PTPRM: variants seen among roughly 807,000 people sequenced by gnomAD.
The protein encoded by PTPRM is receptor-type tyrosine-protein phosphatase mu.
A neutral mutation model predicts 186.7 loss-of-function variants in PTPRM; 47 were observed. The observed-to-expected ratio is 0.25, with a 90% CI of 0.20 to 0.32. PTPRM has a LOEUF of 0.32. Ranked by LOEUF, PTPRM falls within the 10% of genes least tolerant of loss-of-function variation. The pLI is 1.00. For missense variants in PTPRM, 1,494 were observed against 1,865.0 expected, an observed-to-expected ratio of 0.80 and a Z score of 3.66; for synonymous variants, 668 against 674.9, an observed-to-expected ratio of 0.99 and a Z score of 0.16.
chr18:7,576,135 C>T (rs1447182313), intron 1 of PTPRM, among the ~76,000 whole-genome samples: 1 of 152,186 alleles, frequency 6.6e-6, no homozygotes, highest in Non-Finnish European at 1.5e-5. Flanking sequence ...GAAAAGGCCA[C>T]TGTTTAACAG....
At chr18:7,810,976 C>A (rs79635695) in intron 2 of PTPRM, among the ~76,000 whole-genome samples, 4 of 152,040 alleles carry the variant, frequency 2.6e-5, no homozygotes, top group African/African-American at 9.7e-5. Flanking sequence ...TTTTTCTGAA[C>A]GATTGAATAC....
At chr18:7,719,405 G>A (rs958073020) in intron 1 of PTPRM, among the ~76,000 whole-genome samples, 19 of 152,156 alleles carry the variant, frequency 1.2e-4, no homozygotes, top group Middle Eastern at 3.4e-3. Flanking sequence ...GAGGGTGTGG[G>A]TGATAAAAGA....
chr18:8,119,094 T>C (rs1439170555), intron 13 of PTPRM, among the ~76,000 whole-genome samples: 1 of 152,110 alleles, frequency 6.6e-6, no homozygotes, highest in Admixed American at 6.5e-5. Context: ...TTTAAGGGAC[T>C]TTTTCATGAA....
intron 1 of PTPRM, among the ~76,000 whole-genome samples, chr18:7,708,166 T>G (rs746176248): frequency 6.6e-6 from 1 of 152,210 alleles, no homozygotes; most frequent in East Asian, 1.9e-4. Flanking sequence ...TTCAAGTATA[T>G]ATATTTTTGG....
intron 14 of PTPRM, among the ~76,000 whole-genome samples, chr18:8,155,454 T>C (rs1002190463): frequency 6.6e-6 from 1 of 152,204 alleles, no homozygotes; most frequent in African/African-American, 2.4e-5. Flanking sequence ...GTAGCTATTA[T>C]ATTACATAAA....
chr18:7,890,071 G>T (rs988905827), intron 3 of PTPRM, among the ~76,000 whole-genome samples: 2 of 152,144 alleles, frequency 1.3e-5, no homozygotes, highest in African/African-American at 4.8e-5. Flanking sequence ...AGTGACAATG[G>T]GCATTTGGAG....
At chr18:7,835,289 C>A (rs898102997) in intron 2 of PTPRM, among the ~76,000 whole-genome samples, 4 of 148,784 alleles carry the variant, frequency 2.7e-5, no homozygotes, top group African/African-American at 9.9e-5. Flanking sequence ...TTTTCATTGT[C>A]ATTTGTTTCA....
At chr18:7,936,839 A>G (rs1158698375) in intron 5 of PTPRM, among the ~76,000 whole-genome samples, 2 of 152,108 alleles carry the variant, frequency 1.3e-5, no homozygotes, top group African/African-American at 4.8e-5. Context: ...GGACTCAGCC[A>G]GACTCGAGCA....
At chr18:7,947,159 C>G (rs946484616) in intron 5 of PTPRM, among the ~76,000 whole-genome samples, 2 of 152,202 alleles carry the variant, frequency 1.3e-5, no homozygotes, top group East Asian at 3.9e-4. Context: ...CTTTGATAGC[C>G]GCTCTGCCTT....
chr18:8,036,857 T>G (rs1016267746), intron 7 of PTPRM, among the ~76,000 whole-genome samples: 5 of 152,170 alleles, frequency 3.3e-5, no homozygotes, highest in African/African-American at 1.2e-4. Flanking sequence ...GATGGCCTTA[T>G]TTACAACTGA....
intron 19 of PTPRM, among the ~76,000 whole-genome samples, chr18:8,288,338 C>T (rs1055187327): frequency 1.3e-5 from 2 of 152,154 alleles, no homozygotes; most frequent in Non-Finnish European, 2.9e-5. Context: ...CACCCAGCCT[C>T]GAGAAGACAT....
chr18:8,392,684 G>C (rs1052825516), intron 31 of PTPRM, among the ~76,000 whole-genome samples: 2 of 152,006 alleles, frequency 1.3e-5, no homozygotes, highest in African/African-American at 4.8e-5. Context: ...AGTTGATGCA[G>C]GGATAGTGCG....
chr18:7,915,357 G>A (rs1427708031), intron 4 of PTPRM, among the ~76,000 whole-genome samples: 3 of 152,080 alleles, frequency 2.0e-5, no homozygotes, highest in Admixed American at 6.5e-5. Context: ...GAGAGAGAGA[G>A]AGAATGTTTC....
chr18:8,289,541 T>TATATACATATATATATACAC, intron 19 of PTPRM, among the ~76,000 whole-genome samples: 2 of 81,214 alleles, frequency 2.5e-5, no homozygotes, highest in South Asian at 4.9e-4. Flanking sequence ...TATACACATA[T>TATATACATATATATATACAC]ATATATATAC....
chr18:7,743,231 C>T (rs182232947), intron 1 of PTPRM, among the ~76,000 whole-genome samples: 104 of 152,262 alleles, frequency 6.8e-4, no homozygotes, highest in Non-Finnish European at 9.0e-4. Flanking sequence ...TATCAGCTAC[C>T]ACAATGGGAA....
chr18:8,219,028 G>A (rs1452090064), intron 14 of PTPRM, among the ~76,000 whole-genome samples: 2 of 152,204 alleles, frequency 1.3e-5, no homozygotes, highest in Non-Finnish European at 1.5e-5. Flanking sequence ...GACTTGCAGG[G>A]CGTGGGAAGT....
At chr18:7,645,701 G>A (rs944825901) in intron 1 of PTPRM, among the ~76,000 whole-genome samples, 4 of 152,158 alleles carry the variant, frequency 2.6e-5, no homozygotes, top group East Asian at 1.9e-4. Context: ...AAAGACCAGC[G>A]ATGGTGCCAT....
chr18:7,688,672 G>A (rs1026607549), intron 1 of PTPRM, among the ~76,000 whole-genome samples: 1 of 152,168 alleles, frequency 6.6e-6, no homozygotes, highest in African/African-American at 2.4e-5. Flanking sequence ...CCTTTCCAGG[G>A]ATTTGCTGTA....
intron 22 of PTPRM, among the ~76,000 whole-genome samples, chr18:8,339,741 C>T (rs986210538): frequency 2.8e-5 from 4 of 144,248 alleles, no homozygotes; most frequent in African/African-American, 9.8e-5. Context: ...TCATGATGGT[C>T]GTGGTCACTC....
Sources: gnomAD v4.1 joint callset for allele counts (sites outside exome capture counted in the v4.1 genomes callset) on GRCh38, gnomAD v4.1.1 for gene constraint, MANE v1.5 for transcripts, NCBI Gene and HGNC (gene_info 2026-07-23, HGNC 2026-07-21) for gene names.